The following CACNA2D2 variants were observed in gnomAD, a reference collection of about 807,000 sequenced individuals.
CACNA2D2 encodes calcium voltage-gated channel auxiliary subunit alpha2delta 2.
In CACNA2D2, 48 loss-of-function variants were observed where a neutral mutation model predicts 166.4. The observed-to-expected ratio is 0.29, with a 90% CI of 0.23 to 0.37. CACNA2D2 has a LOEUF of 0.37. Ranked by LOEUF, CACNA2D2 falls within the 10% of genes least tolerant of loss-of-function variation. The probability of loss-of-function intolerance (pLI) is 1.00; values close to 1 mark genes in which losing one functional copy is unlikely to be tolerated. For synonymous variants in CACNA2D2, 561 were observed against 573.7 expected, an observed-to-expected ratio of 0.98 and a Z score of 0.32; for missense variants, 1,122 against 1,433.0, an observed-to-expected ratio of 0.78 and a Z score of 3.50.
At chr3:50,453,903 GT>G (rs765881906) in intron 2 of CACNA2D2, among the ~76,000 whole-genome samples, 9 of 152,118 alleles carry the variant, frequency 5.9e-5, no homozygotes, top group Non-Finnish European at 1.3e-4. Flanking sequence ...GGGAAGGGAG[GT>G]GTGATCTGTG....
At chr3:50,371,728 G>A (rs587697576) in intron 22 of CACNA2D2, among the ~76,000 whole-genome samples, 7 of 152,134 alleles carry the variant, frequency 4.6e-5, no homozygotes, top group African/African-American at 1.2e-4. Context: ...GTGAGGCAGG[G>A]TTTGGACACA....
At chr3:50,421,131 G>A (rs1187002218) in intron 3 of CACNA2D2, among the ~76,000 whole-genome samples, 2 of 152,216 alleles carry the variant, frequency 1.3e-5, no homozygotes, top group Admixed American at 1.3e-4. Context: ...GGGGGCCAGA[G>A]CTCACCTGTG....
chr3:50,484,986 C>G (rs1241863843), intron 1 of CACNA2D2, among the ~76,000 whole-genome samples: 1 of 152,226 alleles, frequency 6.6e-6, no homozygotes, highest in African/African-American at 2.4e-5. Context: ...GCCCTCCCTT[C>G]CCCTGGCTTC....
rs1418970749 is a variant in CACNA2D2, at chr3:50,380,786, G to C, written c.804C>G (p.Pro268=). Residue 268 remains proline, a synonymous_variant, in exon 8 of 38, where the codon CCC becomes CCG. Transcript: ENST00000424201. This position sits in a 1 kb window ranked among gnomAD's most constrained non-coding sequence, Gnocchi z 4.9. Reference sequence around the variant, plus strand: ...GGACATCGTACAGGTCGATCTTCTTGGGGGCTCGCCACGGGGTGGCTGAGG... The same window carrying C: ...GGACATCGTACAGGTCGATCTTCTTCGGGGCTCGCCACGGGGTGGCTGAGG... The part of the protein sequence containing the change: ...RYYPATPWRA[P]KKIDLYDVRR... 1 of 1,549,390 alleles carries C rather than the reference G, an allele frequency of 6.5e-7. No homozygotes were observed. Among genetic ancestry groups the C allele is most frequent in the South Asian group, 1.2e-5 (1 of 81,312 alleles).
chr3:50,494,807 T>C (rs1309897348), intron 1 of CACNA2D2, among the ~76,000 whole-genome samples: 1 of 152,182 alleles, frequency 6.6e-6, no homozygotes, highest in Non-Finnish European at 1.5e-5. Flanking sequence ...CCTGAGTAGC[T>C]GAGACCACAG....
intron 4 of CACNA2D2, among the ~76,000 whole-genome samples, chr3:50,389,176 G>C (rs1705762685): frequency 6.6e-6 from 1 of 152,204 alleles, no homozygotes; most frequent in Non-Finnish European, 1.5e-5. Context: ...GCGGAGGCCG[G>C]GCCCAAGCTG....
chr3:50,376,611 C>T lies in CACNA2D2; in HGVS notation c.1627-423G>A, dbSNP rs979034089. On this transcript the variant is annotated intron_variant, in intron 17 of 37. Coordinates refer to ENST00000424201, the MANE Select transcript of CACNA2D2 (RefSeq NM_006030.4). This position sits in a 1 kb window ranked among gnomAD's most constrained non-coding sequence, Gnocchi z 4.3. ...AGAGCAGCGGGACGAGTGGACCCTT[C>T]GGAATCCTACCTGGGGCTTCCCTTC... is the stretch of plus-strand genomic sequence containing the variant. Among the ~76,000 whole-genome samples the T allele has an allele frequency of 3.3e-5, 5 of 152,130 alleles. No individual in the cohort carries two copies. Among genetic ancestry groups the T allele is most frequent in the Admixed American group, 1.3e-4 (2 of 15,284 alleles).
At chr3:50,378,483 C>T in intron 13 of CACNA2D2, 150 bp from the exon 14 acceptor site, 3 of 779,706 alleles carry the variant, frequency 3.8e-6, no homozygotes, top group Admixed American at 2.1e-5. Context: ...CTCCCGGCCT[C>T]TGCCCTGCCA....
At chr3:50,443,980 C>T (rs1575694998) in intron 2 of CACNA2D2, among the ~76,000 whole-genome samples, 1 of 152,174 alleles carries the variant, frequency 6.6e-6, no homozygotes, top group East Asian at 1.9e-4. Flanking sequence ...GGCCCAGAGT[C>T]CTTATAGCCC....
At chr3:50,488,494 T>G (rs2107146307) in intron 1 of CACNA2D2, among the ~76,000 whole-genome samples, 1 of 152,120 alleles carries the variant, frequency 6.6e-6, no homozygotes, top group South Asian at 2.1e-4. Context: ...CTTGCAATCT[T>G]GACCCCAGGG....
Position 50,433,343 on chromosome 3 carries a change from T to A in CACNA2D2, c.405+970A>T, listed in dbSNP as rs939140989. Among the ~76,000 whole-genome samples, 4 of 152,104 alleles carry A rather than the reference T, an allele frequency of 2.6e-5. No individual in the cohort carries two copies. In the South Asian group the frequency reaches 8.3e-4, roughly 32 times the overall value. On this transcript the variant is annotated intron_variant, in intron 3 of 37. Coordinates refer to ENST00000424201, the MANE Select transcript of CACNA2D2 (RefSeq NM_006030.4). ...AGCAAGCAAGCATCAGGAGACTTTATTCCGTTTTTTTTGTTGTTTGTTTTT... is the reference window on the plus strand; with the variant it reads ...AGCAAGCAAGCATCAGGAGACTTTAATCCGTTTTTTTTGTTGTTTGTTTTT...
At chr3:50,438,451 T>G (rs987698286) in intron 2 of CACNA2D2, among the ~76,000 whole-genome samples, 1 of 152,146 alleles carries the variant, frequency 6.6e-6, no homozygotes, top group Admixed American at 6.5e-5. Flanking sequence ...TGATGCCTCC[T>G]TAGAAGCCCC....
rs1704394457 is a variant in CACNA2D2, at chr3:50,367,587, C to G, written c.2297+55G>C. 6.2e-7 allele frequency: 1 copy of G among 1,607,102 alleles called. No individual in the cohort carries two copies. Among genetic ancestry groups the G allele is most frequent in the Non-Finnish European group, 8.5e-7 (1 of 1,174,680 alleles). On this transcript the variant is annotated intron_variant, in intron 26 of 37. Coordinates refer to ENST00000424201, the MANE Select transcript of CACNA2D2 (RefSeq NM_006030.4). The surrounding 1 kb of genome is among the most constrained non-coding windows in gnomAD (Gnocchi z 6.5). ...GATGCAAGGAGGCCTCTGGGCAGAA[C>G]AGATGCAGGTTCCCTGGCAGGGGCA...
Position 50,434,320 on chromosome 3 carries a change from G to C in CACNA2D2, c.398C>G (p.Ala133Gly). The change falls in exon 3 of 38, where the codon GCC becomes GGC. Residue 133 changes from alanine (A) to glycine (G), a missense_variant. By Grantham distance (60) the Ala-to-Gly change is moderately conservative. Coordinates refer to ENST00000424201, the MANE Select transcript of CACNA2D2 (RefSeq NM_006030.4). ...CCCAAAACACACACCTACCTTCAGGGCCTGCACCTTCCTGTCCAGAAGGCT... is the reference window on the plus strand; with the variant it reads ...CCCAAAACACACACCTACCTTCAGGCCCTGCACCTTCCTGTCCAGAAGGCT... Reference protein sequence around the residue: ...IESLLDRKVQALKRLADAAEN... With the variant: ...IESLLDRKVQGLKRLADAAEN... The C allele has an allele frequency of 6.2e-7, 1 of 1,611,496 alleles. No individual in the cohort carries two copies. Among genetic ancestry groups the C allele is most frequent in the Non-Finnish European group, 8.5e-7 (1 of 1,177,672 alleles).
intron 1 of CACNA2D2, among the ~76,000 whole-genome samples, chr3:50,481,236 G>A (rs1211207777): frequency 6.6e-6 from 1 of 152,110 alleles, no homozygotes; most frequent in Non-Finnish European, 1.5e-5. Context: ...CTGTTCAAGA[G>A]CAGACAGGGG....
At position 50,365,249 on chromosome 3, in the gene CACNA2D2, G is replaced by A. The variant is rs587614656; in HGVS notation, c.3099-65C>T. ...CGCCCTGACCCACCCCCATCCTGCG[G>A]CCCCGCCCCCGGCCGCTCGGAGGCC... On this transcript the variant is annotated intron_variant, in intron 35 of 37. Coordinates refer to ENST00000424201, the MANE Select transcript of CACNA2D2 (RefSeq NM_006030.4). This position sits in a 1 kb window ranked among gnomAD's most constrained non-coding sequence, Gnocchi z 4.5. The A allele has an allele frequency of 2.4e-3, 3,753 of 1,550,444 alleles. 69 individuals are homozygous for A. The African/African-American group carries it at 0.045, about 18-fold the overall frequency.
Position 50,366,310 on chromosome 3 carries a change from CCAT to C in CACNA2D2, c.2663_2665del (p.Asp888del). The C allele has an allele frequency of 1.2e-6, 2 of 1,614,098 alleles. No individual in the cohort carries two copies. The highest frequency in any genetic ancestry group is 1.7e-6 in the Non-Finnish European group (2 of 1,180,020). On this transcript the variant is annotated inframe_deletion, in exon 31 of 38. Transcript: ENST00000424201. The surrounding 1 kb of genome is among the most constrained non-coding windows in gnomAD (Gnocchi z 5.9). ...CTGGTTTGACAGCACCAGGAATCCTCCATCATCAATGAGGACACAGAGTAAGTC... is the reference window on the plus strand; with the variant it reads ...CTGGTTTGACAGCACCAGGAATCCTCCATCAATGAGGACACAGAGTAAGTC...
At position 50,366,070 on chromosome 3, in the gene CACNA2D2, C is replaced by T; in HGVS notation, c.2803G>A (p.Ala935Thr). The T allele has an allele frequency of 1.2e-6, 2 of 1,613,754 alleles. No individual in the cohort carries two copies. The highest frequency in any genetic ancestry group is 1.7e-6 in the Non-Finnish European group (2 of 1,179,954). ...CCAGGGGGCTGAGGGGCACAGGCTG[C>T]CTGATAGTCATAGGACTCCTTGCGG... ...YTRKESYDYQ[A>T]ACAPQPPGNL... Residue 935 changes from alanine (A) to threonine (T), a missense_variant, in exon 32 of 38, where the codon GCA (alanine) becomes ACA (threonine). Transcript: ENST00000424201. The surrounding 1 kb of genome is among the most constrained non-coding windows in gnomAD (Gnocchi z 5.9).
At chr3:50,460,027 G>A (rs1209052490) in intron 2 of CACNA2D2, among the ~76,000 whole-genome samples, 23 of 152,178 alleles carry the variant, frequency 1.5e-4, no homozygotes, top group Admixed American at 1.0e-3. Context: ...CGCCTGATCC[G>A]GAGTCAACCC....
Sources: allele counts gnomAD v4.1 joint callset (sites outside exome capture counted in the v4.1 genomes callset), GRCh38; gene constraint gnomAD v4.1.1; non-coding constraint Gnocchi (gnomAD v3.1); transcripts MANE v1.5; gene names NCBI Gene and HGNC (gene_info 2026-07-23, HGNC 2026-07-21).